Variants in SH3BP4 observed in about 807,000 individuals in gnomAD.
SH3BP4 encodes SH3 domain binding protein 4.
A neutral mutation model predicts 65.5 loss-of-function variants in SH3BP4; 33 were observed. That is an observed-to-expected ratio of 0.50 (90% CI 0.38 to 0.67). The LOEUF is 0.67. Ranked by LOEUF, SH3BP4 falls within the 30% of genes least tolerant of loss-of-function variation. The pLI, the probability that SH3BP4 is intolerant of heterozygous loss-of-function variation, is 0.00. For missense variants in SH3BP4, 1,134 were observed against 1,261.4 expected, an observed-to-expected ratio of 0.90 and a Z score of 1.53; for synonymous variants, 552 against 545.5, an observed-to-expected ratio of 1.01 and a Z score of -0.17.
rs1694997097 is a variant in SH3BP4, at chr2:235,026,225, C to T, written c.-132-8646C>T. Among the ~76,000 whole-genome samples, 1 of 152,136 alleles carries T rather than the reference C, an allele frequency of 6.6e-6. No homozygotes were observed. The highest frequency in any genetic ancestry group is 2.4e-5 in the African/African-American group (1 of 41,440). On this transcript the variant is annotated intron_variant, in intron 2 of 5. Transcript: ENST00000392011. The surrounding 1 kb of genome is among the most constrained non-coding windows in gnomAD (Gnocchi z 4.6). ...ATTCACACGCCCTCCCCTCCTCTTC[C>T]TGACCTGTCGGGGGATCCCCAGCCT... is the stretch of plus-strand genomic sequence containing the variant.
intron 2 of SH3BP4, among the ~76,000 whole-genome samples, chr2:235,016,954 T>C (rs370252296): frequency 2.0e-5 from 3 of 152,094 alleles, no homozygotes; most frequent in East Asian, 3.9e-4. Context: ...ACACGTTGAC[T>C]TCAGAAGATA....
rs1443540753 is a variant in SH3BP4 at position 235,041,217 on chromosome 2, A to C, written c.448A>C (p.Lys150Gln). 1.1e-5 allele frequency: 18 copies of C among 1,614,032 alleles called. No homozygotes were observed. Among genetic ancestry groups the C allele is most frequent in the Non-Finnish European group, 1.5e-5 (18 of 1,180,044 alleles). The change falls in exon 4 of 6, where the codon AAA becomes CAA. Residue 150 changes from lysine (K) to glutamine (Q), a missense_variant. Transcript: ENST00000392011. The surrounding 1 kb of genome is among the most constrained non-coding windows in gnomAD (Gnocchi z 6.0). ...GCTCGGGGGATGGACAGATGACAAA[A>C]AAGTACCAGGCAGAATGTACAGTAA... ...ELLGGWTDDK[K>Q]VPGRMYSNNP... is the part of the protein sequence containing the mutation.
At chr2:235,037,953 C>T (rs905278616) in intron 3 of SH3BP4, among the ~76,000 whole-genome samples, 13 of 151,880 alleles carry the variant, frequency 8.6e-5, no homozygotes, top group African/African-American at 2.4e-4. Flanking sequence ...ACACTGCTTT[C>T]ACCAACACCA....
At chr2:234,962,009 G>T (rs1297566188) in intron 1 of SH3BP4, among the ~76,000 whole-genome samples, 2 of 152,156 alleles carry the variant, frequency 1.3e-5, no homozygotes, top group African/African-American at 2.4e-5. Context: ...CTGTGCCTTT[G>T]TTTGCAAGAG....
intron 1 of SH3BP4, among the ~76,000 whole-genome samples, chr2:234,972,631 G>A (rs1693034275): frequency 1.3e-5 from 2 of 152,096 alleles, no homozygotes; most frequent in Non-Finnish European, 1.5e-5. Context: ...GAAGACTGAG[G>A]CAGGAGGATG....
In SH3BP4 at chr2:235,043,078, G is replaced by A. The variant is rs1239122069; in HGVS notation, c.2309G>A (p.Arg770His). The A allele has an allele frequency of 4.3e-6, 7 of 1,613,308 alleles. No homozygotes were observed. The highest frequency in any genetic ancestry group is 4.5e-5 in the East Asian group (2 of 44,860). ...CTCATGGAGAACATCAGCAGCTGGCGCTCCTTCGCTGACGCCCTGGGCTAC... is the reference window on the plus strand; with the variant it reads ...CTCATGGAGAACATCAGCAGCTGGCACTCCTTCGCTGACGCCCTGGGCTAC... ...TLLMENISSW[R>H]SFADALGYVN... The change falls in exon 4 of 6, where the codon CGC (arginine) becomes CAC (histidine). Residue 770 changes from arginine (R) to histidine (H), a missense_variant. Physicochemically the swap from Arg to His is conservative, Grantham distance 29 (BLOSUM62 0). Transcript: ENST00000392011.
At chr2:234,958,674 C>T (rs1194163991) in intron 1 of SH3BP4, among the ~76,000 whole-genome samples, 5 of 148,810 alleles carry the variant, frequency 3.4e-5, no homozygotes, top group Non-Finnish European at 7.4e-5. Flanking sequence ...GCCCTGAAGT[C>T]AAGGAGGAGA....
chr2:235,034,436 A>G lies in SH3BP4; in HGVS notation c.-132-435A>G, dbSNP rs1429448080. On this transcript the variant is annotated intron_variant, in intron 2 of 5. Coordinates refer to ENST00000392011, the MANE Select transcript of SH3BP4 (RefSeq NM_014521.3). This position sits in a 1 kb window ranked among gnomAD's most constrained non-coding sequence, Gnocchi z 6.2. ...TGCTTCCCGGGGCCGAGTCACCATG[A>G]TGACTGCCCCTGCGCTGGGATCAGC... is the stretch of plus-strand genomic sequence containing the variant. 6.6e-6 allele frequency among the ~76,000 whole-genome samples: 1 copy of G among 152,062 alleles called. No individual in the cohort carries two copies.
At position 235,053,828 on chromosome 2, in the gene SH3BP4, C is replaced by T. The variant is rs1465508906; in HGVS notation, c.*12C>T. ...ACTTCGTGATTTGAATGGGTCCCCT[C>T]CCCTCCTGCTGCTCTGGAGTGCAAG... On this transcript the variant is annotated 3_prime_UTR_variant, in exon 6 of 6. Transcript: ENST00000392011. The T allele has an allele frequency of 1.2e-6, 2 of 1,601,150 alleles. No homozygotes were observed. The highest frequency in any genetic ancestry group is 1.7e-6 in the Non-Finnish European group (2 of 1,168,282).
chr2:235,003,272 G>A (rs1694188477), intron 2 of SH3BP4, among the ~76,000 whole-genome samples: 1 of 152,240 alleles, frequency 6.6e-6, no homozygotes, highest in Admixed American at 6.5e-5. Flanking sequence ...TGACCGAGGA[G>A]AACTCTCCCC....
At position 235,052,421 on chromosome 2, in the gene SH3BP4, G is replaced by C. The variant is rs1696086308; in HGVS notation, c.2479-141G>C. On this transcript the variant is annotated intron_variant, in intron 4 of 5. Coordinates refer to ENST00000392011, the MANE Select transcript of SH3BP4 (RefSeq NM_014521.3). The surrounding 1 kb of genome is among the most constrained non-coding windows in gnomAD (Gnocchi z 5.0). ...TGAATCCTGGCAGTGATCGATTTCA[G>C]GGGACATTTGGTAGTAGGCCAGGGA... 11 of 616,684 alleles carry C rather than the reference G, an allele frequency of 1.8e-5. No homozygotes were observed. In the South Asian group the frequency reaches 2.9e-4, roughly 16 times the overall value. 38.2% of individuals were successfully genotyped at this position (616,684 alleles called of 1,614,324 possible).
rs191953470 is a variant in SH3BP4 at position 234,976,453 on chromosome 2, G to T, written c.-206-18850G>T. On this transcript the variant is annotated intron_variant, in intron 1 of 5. Coordinates refer to ENST00000392011, the MANE Select transcript of SH3BP4 (RefSeq NM_014521.3). The surrounding 1 kb of genome is among the most constrained non-coding windows in gnomAD (Gnocchi z 4.7). ...CAGGGCCGGTGTGTACCAGGTTAAGGTCTCTCTTGCATTTTGTGGGTGGCT... is the reference window on the plus strand; with the variant it reads ...CAGGGCCGGTGTGTACCAGGTTAAGTTCTCTCTTGCATTTTGTGGGTGGCT... Among the ~76,000 whole-genome samples the T allele has an allele frequency of 2.0e-3, 311 of 152,240 alleles. 2 individuals are homozygous for T. Among genetic ancestry groups the T allele is most frequent in the African/African-American group, 7.1e-3 (294 of 41,548 alleles).
In SH3BP4 at chr2:235,017,045, CTTTT is replaced by C. The variant is rs995197698; in HGVS notation, c.-132-17805_-132-17802del. 5.1e-4 allele frequency among the ~76,000 whole-genome samples: 45 copies of C among 88,436 alleles called. No homozygotes were observed. In the South Asian group the frequency reaches 0.017, roughly 33 times the overall value. The allele number at this position is 88,436 out of a possible 152,430, so 58.0% of individuals were successfully genotyped here. A position where few individuals can be genotyped will look rare whatever the true frequency, so the allele number is the denominator to read the frequency against. The stretch of plus-strand genomic sequence containing the variant: ...CGGCAGCGAGTTTCTGTTTGCCTTT[CTTTT>C]TTTTTTTTTTTTTTTTTTTTGGTAT... On this transcript the variant is annotated intron_variant, in intron 2 of 5. Coordinates refer to ENST00000392011, the MANE Select transcript of SH3BP4 (RefSeq NM_014521.3).
intron 1 of SH3BP4, among the ~76,000 whole-genome samples, chr2:234,975,150 G>A (rs1005266028): frequency 1.3e-5 from 2 of 152,302 alleles, no homozygotes; most frequent in Non-Finnish European, 2.9e-5. Context: ...CTCCTGGGGA[G>A]ACAGGCATTT....
At chr2:235,038,321 A>T (rs1252042964) in intron 3 of SH3BP4, among the ~76,000 whole-genome samples, 87 of 14,710 alleles carry the variant, frequency 5.9e-3, no homozygotes, top group East Asian at 7.2e-3. Context: ...ATTATATATT[A>T]TATATATATT....
chr2:234,958,376 G>C (rs1692634108), intron 1 of SH3BP4, among the ~76,000 whole-genome samples: 1 of 152,110 alleles, frequency 6.6e-6, no homozygotes, highest in Non-Finnish European at 1.5e-5. Flanking sequence ...GGACTGGGGA[G>C]AGGCACACGA....
At chr2:235,050,778 G>C (rs961225185) in intron 4 of SH3BP4, among the ~76,000 whole-genome samples, 1 of 152,078 alleles carries the variant, frequency 6.6e-6, no homozygotes. Flanking sequence ...CTAGCAAGAC[G>C]ACCCTGCTAT....
At position 235,042,018 on chromosome 2, in the gene SH3BP4, A is replaced by C. The variant is rs1458992137; in HGVS notation, c.1249A>C (p.Arg417=). 1 of 1,613,918 alleles carries C rather than the reference A, an allele frequency of 6.2e-7. No homozygotes were observed. Among genetic ancestry groups the C allele is most frequent in the Non-Finnish European group, 8.5e-7 (1 of 1,180,006 alleles). Residue 417 remains arginine, a synonymous_variant, in exon 4 of 6, where the codon AGG becomes CGG. Coordinates refer to ENST00000392011, the MANE Select transcript of SH3BP4 (RefSeq NM_014521.3). This position sits in a 1 kb window ranked among gnomAD's most constrained non-coding sequence, Gnocchi z 7.3. ...SKSTVGLQCL[R]SDSKEGPYVS... Reference sequence around the variant, plus strand: ...AAGCACAGTGGGCCTCCAGTGCCTGAGGAGCGACTCGAAGGAAGGGCCATA... The same window carrying C: ...AAGCACAGTGGGCCTCCAGTGCCTGCGGAGCGACTCGAAGGAAGGGCCATA...
At chr2:235,020,380 C>T (rs2106308553) in intron 2 of SH3BP4, among the ~76,000 whole-genome samples, 1 of 152,198 alleles carries the variant, frequency 6.6e-6, no homozygotes, top group South Asian at 2.1e-4. Flanking sequence ...GCCTGTAATC[C>T]CATCTACTCA....
Sources: allele counts gnomAD v4.1 joint callset (sites outside exome capture counted in the v4.1 genomes callset), GRCh38; gene constraint gnomAD v4.1.1; non-coding constraint Gnocchi (gnomAD v3.1); transcripts MANE v1.5; gene names NCBI Gene and HGNC (gene_info 2026-07-23, HGNC 2026-07-21).